The following SLC12A2 variants were observed in gnomAD, a reference collection of about 807,000 sequenced individuals.
SLC12A2 encodes the protein solute carrier family 12 member 2, also known as Na-K-2Cl cotransporter 1.
Under a neutral mutation model 136.3 loss-of-function variants are expected in SLC12A2, and 67 were observed. The ratio of observed to expected loss-of-function variants is 0.49; its 90% CI spans 0.40 to 0.60. SLC12A2 has a LOEUF of 0.60. Among genes scored for constraint, SLC12A2 ranks in the 20% least tolerant of loss-of-function variants. The pLI, the probability that SLC12A2 is intolerant of heterozygous loss-of-function variation, is 0.00. For synonymous variants in SLC12A2, 619 were observed against 562.9 expected (o/e 1.10, Z -1.41); for missense variants, 1,322 against 1,534.7 (o/e 0.86, Z 2.32).
chr5:128,174,617 C>T lies in SLC12A2; in HGVS notation c.2880C>T (p.Ser960=), dbSNP rs780180222. 21 of 1,608,392 alleles carry T rather than the reference C, an allele frequency of 1.3e-5. No individual in the cohort carries two copies. Among genetic ancestry groups the T allele is most frequent in the Admixed American group, 1.7e-5 (1 of 59,598 alleles). The part of the protein sequence containing the change: ...VVVSVEYSKK[S]DLDTSKPLSE... Reference sequence around the variant, plus strand: ...TAAGTGTGGAATATAGTAAAAAGTCCGATTTAGATACTTCCAAACCACTCA... The same window carrying T: ...TAAGTGTGGAATATAGTAAAAAGTCTGATTTAGATACTTCCAAACCACTCA... The change falls in exon 20 of 27, where the codon TCC becomes TCT. Residue 960 remains serine (S), a synonymous_variant. Coordinates refer to ENST00000262461, the MANE Select transcript of SLC12A2 (RefSeq NM_001046.3).
chr5:128,110,318 A>G, intron 1 of SLC12A2: 1 of 881,890 alleles, frequency 1.1e-6, no homozygotes, highest in East Asian at 2.4e-5. Flanking sequence ...TGACTGTTTT[A>G]GAAACCATGG....
intron 16 of SLC12A2, among the ~76,000 whole-genome samples, chr5:128,159,274 A>C (rs1762957970): frequency 6.6e-6 from 1 of 151,010 alleles, no homozygotes; most frequent in Non-Finnish European, 1.5e-5. Flanking sequence ...TTAAAGACTT[A>C]AACTTAAGAC....
Position 128,084,782 on chromosome 5 carries a change from C to G in SLC12A2, c.756+72C>G. ...CGACCGCGGGATGTGGCTGCAGACTCTTCCCGAGTTGAGGTGGCGGGAGTA... is the reference window on the plus strand; with the variant it reads ...CGACCGCGGGATGTGGCTGCAGACTGTTCCCGAGTTGAGGTGGCGGGAGTA... On this transcript the variant is annotated intron_variant, in intron 1 of 26. Coordinates refer to ENST00000262461, the MANE Select transcript of SLC12A2 (RefSeq NM_001046.3). This position sits in a 1 kb window ranked among gnomAD's most constrained non-coding sequence, Gnocchi z 5.6. 6.2e-6 allele frequency: 9 copies of G among 1,448,492 alleles called. No individual in the cohort carries two copies. Among genetic ancestry groups the G allele is most frequent in the Non-Finnish European group, 8.2e-6 (9 of 1,091,668 alleles). The allele number at this position is 1,448,492 out of a possible 1,614,324, so 89.7% of individuals were successfully genotyped here.
At chr5:128,153,431 T>C (rs1762770365) in intron 15 of SLC12A2, among the ~76,000 whole-genome samples, 1 of 152,184 alleles carries the variant, frequency 6.6e-6, no homozygotes, top group Admixed American at 6.5e-5. Context: ...GGCGCATGCC[T>C]GTAGTCCCAG....
intron 1 of SLC12A2, among the ~76,000 whole-genome samples, chr5:128,107,777 A>G (rs929459391): frequency 1.3e-5 from 2 of 152,146 alleles, no homozygotes; most frequent in Non-Finnish European, 2.9e-5. Context: ...TTATAGTAGA[A>G]TGATTTATAA....
chr5:128,177,297 T>A, intron 21 of SLC12A2, 145 bp downstream of exon 21: 1 of 540,704 alleles, frequency 1.8e-6, no homozygotes, highest in Non-Finnish European at 3.2e-6. Flanking sequence ...TTAGAAAAAT[T>A]ATTATTAGTC....
intron 10 of SLC12A2, among the ~76,000 whole-genome samples, chr5:128,144,324 A>G (rs1284783602): frequency 3.3e-5 from 5 of 152,148 alleles, no homozygotes; most frequent in African/African-American, 1.2e-4. Flanking sequence ...ATGAGGGAAA[A>G]TCTTGTGAAA....
intron 1 of SLC12A2, among the ~76,000 whole-genome samples, chr5:128,087,098 A>C (rs368575788): frequency 6.6e-6 from 1 of 152,238 alleles, no homozygotes; most frequent in East Asian, 1.9e-4. Context: ...TCTTCCCTCC[A>C]GTTGAATTCC....
At chr5:128,133,318 G>A (rs966785834) in intron 5 of SLC12A2, among the ~76,000 whole-genome samples, 1 of 151,894 alleles carries the variant, frequency 6.6e-6, no homozygotes, top group South Asian at 2.1e-4. Flanking sequence ...AGCATCTTTG[G>A]ATCTTTGGAT....
intron 24 of SLC12A2, 108 bp from the exon 25 acceptor site, chr5:128,184,243 TATGGAGAGGAGCGTA>T (rs1763798368): frequency 3.4e-6 from 2 of 581,808 alleles, no homozygotes; most frequent in Non-Finnish European, 5.9e-6. Context: ...ATGGTTGGGG[TATGGAGAGGAGCGTA>T]ATAAATGAGA....
intron 4 of SLC12A2, among the ~76,000 whole-genome samples, chr5:128,128,517 C>T (rs561223481): frequency 3.9e-5 from 6 of 151,910 alleles, no homozygotes; most frequent in Admixed American, 6.6e-5. Flanking sequence ...GCATTTTTAG[C>T]GATAACAGAA....
chr5:128,139,037 C>T (rs2126708556), intron 9 of SLC12A2, 129 bp downstream of exon 9: 2 of 666,476 alleles, frequency 3.0e-6, no homozygotes, highest in South Asian at 4.5e-5. Context: ...CATGGAGTTG[C>T]TCATTATAAT....
At chr5:128,179,133 T>C (rs1208337318) in intron 22 of SLC12A2, among the ~76,000 whole-genome samples, 1 of 152,242 alleles carries the variant, frequency 6.6e-6, no homozygotes, top group African/African-American at 2.4e-5. Flanking sequence ...TTTCACCACA[T>C]GTATTCACTG....
At chr5:128,104,488 C>T (rs578170987) in intron 1 of SLC12A2, among the ~76,000 whole-genome samples, 5 of 151,904 alleles carry the variant, frequency 3.3e-5, no homozygotes, top group East Asian at 1.9e-4. Context: ...CAAAATTAGC[C>T]GGACGTGGTG....
chr5:128,107,448 C>T (rs986747335), intron 1 of SLC12A2, among the ~76,000 whole-genome samples: 10 of 152,192 alleles, frequency 6.6e-5, no homozygotes, highest in Non-Finnish European at 1.3e-4. Flanking sequence ...CCCTACCCCT[C>T]CCTGCCGCAA....
intron 4 of SLC12A2, among the ~76,000 whole-genome samples, chr5:128,127,813 T>G (rs1761873286): frequency 6.6e-6 from 1 of 152,128 alleles, no homozygotes; most frequent in Non-Finnish European, 1.5e-5. Context: ...TTTTCTTCTT[T>G]GTTCTTGATT....
At chr5:128,146,515 G>A (rs1216410704) in intron 10 of SLC12A2, among the ~76,000 whole-genome samples, 1 of 147,470 alleles carries the variant, frequency 6.8e-6, no homozygotes, top group Non-Finnish European at 1.5e-5. Context: ...CATGATCTTA[G>A]TGATCAATCC....
At chr5:128,170,576 T>C (rs1041305267) in intron 18 of SLC12A2, 12 of 152,218 alleles carry the variant, frequency 7.9e-5, no homozygotes, top group African/African-American at 2.9e-4. Context: ...CTACATTGAA[T>C]ACTTATTACT....
intron 25 of SLC12A2, 49 bp downstream of exon 25, chr5:128,184,550 A>G: frequency 6.8e-7 from 1 of 1,470,296 alleles, no homozygotes; most frequent in Non-Finnish European, 9.1e-7. Flanking sequence ...AATAAAAGAC[A>G]TGAAAACCAA....
Sources: gnomAD v4.1 joint callset for allele counts (sites outside exome capture counted in the v4.1 genomes callset) on GRCh38, gnomAD v4.1.1 for gene constraint, Gnocchi (gnomAD v3.1) non-coding constraint, MANE v1.5 for transcripts, NCBI Gene and HGNC (gene_info 2026-07-23, HGNC 2026-07-21) for gene names.